PHACTR2: variants seen among roughly 807,000 people sequenced by gnomAD.
PHACTR2 encodes the protein chromosome 6 open reading frame 56.
Under a neutral mutation model 76.0 loss-of-function variants are expected in PHACTR2, and 30 were observed. The ratio of observed to expected loss-of-function variants is 0.39; its 90% CI spans 0.30 to 0.54. The LOEUF (loss-of-function observed/expected upper bound fraction) is 0.54, where lower values mean the gene tolerates loss of function less well. Ranked by LOEUF, PHACTR2 falls within the 20% of genes least tolerant of loss-of-function variation. PHACTR2 has a pLI of 0.61. For synonymous variants in PHACTR2, 292 were observed against 292.5 expected, an observed-to-expected ratio of 1.00 and a Z score of 0.02; for missense variants, 696 against 781.1, an observed-to-expected ratio of 0.89 and a Z score of 1.30.
At chr6:143,552,232 T>C (rs985141354) in intron 1 of PHACTR2, among the ~76,000 whole-genome samples, 1 of 150,248 alleles carries the variant, frequency 6.7e-6, no homozygotes, top group African/African-American at 2.4e-5. Flanking sequence ...AAGAGTGTGG[T>C]GAGGGAGGTT....
rs2488099 is a variant in PHACTR2, at chr6:143,709,356, A to G, written c.47-2660A>G. On this transcript the variant is annotated intron_variant, in intron 1 of 12. Coordinates refer to ENST00000440869, the MANE Select transcript of PHACTR2 (RefSeq NM_001100164.2). The surrounding 1 kb of genome is among the most constrained non-coding windows in gnomAD (Gnocchi z 4.4). ...AAATTAGAGTAGACTTCACTAGTGG[A>G]AGGAATAGGATTTATTCCAATTTGT... is the stretch of plus-strand genomic sequence containing the variant. Among the ~76,000 whole-genome samples the G allele has an allele frequency of 0.43, 65,184 of 152,042 alleles. 14,331 individuals carry two copies. Among genetic ancestry groups the G allele is most frequent in the African/African-American group, 0.52 (21,749 of 41,462 alleles).
At position 143,742,587 on chromosome 6, in the gene PHACTR2, G is replaced by A. The variant is rs1246339349; in HGVS notation, c.215-6398G>A. On this transcript the variant is annotated intron_variant, in intron 2 of 12. Transcript: ENST00000440869. The surrounding 1 kb of genome is among the most constrained non-coding windows in gnomAD (Gnocchi z 4.5). ...ATTGGATAAGCCCAGGAGCCCAAGA[G>A]CCTTGTGCCCAGGGATGAGGTTAGC... is the stretch of plus-strand genomic sequence containing the variant. Among the ~76,000 whole-genome samples the A allele has an allele frequency of 6.6e-6, 1 of 152,214 alleles. No homozygotes were observed. The highest frequency in any genetic ancestry group is 6.5e-5 in the Admixed American group (1 of 15,282).
rs1355562487 is a variant in PHACTR2 at position 143,647,046 on chromosome 6, A to AT, written c.13+38731dup. On this transcript the variant is annotated intron_variant, in intron 1 of 11. Transcript: ENST00000305766. This position sits in a 1 kb window ranked among gnomAD's most constrained non-coding sequence, Gnocchi z 4.2. Reference sequence around the variant, plus strand: ...TCTTCACCTTGCTGTCAGCAGTTACATTTTTTTCTAAGGGGTAAAAAGCAC... The same window carrying AT: ...TCTTCACCTTGCTGTCAGCAGTTACATTTTTTTTCTAAGGGGTAAAAAGCAC... 2.6e-5 allele frequency among the ~76,000 whole-genome samples: 4 copies of AT among 152,132 alleles called. No homozygotes were observed. The highest frequency in any genetic ancestry group is 4.4e-5 in the Non-Finnish European group (3 of 68,008).
chr6:143,749,666 T>TC (rs1236170905), intron 3 of PHACTR2, among the ~76,000 whole-genome samples: 1 of 152,184 alleles, frequency 6.6e-6, no homozygotes, highest in East Asian at 1.9e-4. Flanking sequence ...TCTAATTTTT[T>TC]CCCCTATCTC....
chr6:143,555,795 G>A (rs755950690), intron 1 of PHACTR2, among the ~76,000 whole-genome samples: 1 of 151,740 alleles, frequency 6.6e-6, no homozygotes, highest in South Asian at 2.1e-4. Flanking sequence ...AAATGTTGAC[G>A]CTACCACCTA....
upstream of PHACTR2, among the ~76,000 whole-genome samples, chr6:143,677,382 C>T (rs1777269203): frequency 6.6e-6 from 1 of 151,862 alleles, no homozygotes; most frequent in East Asian, 1.9e-4. Context: ...TTTTTTTCCC[C>T]TTTTGTGTAT....
At chr6:143,542,442 A>T (rs961571536) in intron 1 of PHACTR2, among the ~76,000 whole-genome samples, 2 of 152,076 alleles carry the variant, frequency 1.3e-5, no homozygotes, top group Non-Finnish European at 2.9e-5. Flanking sequence ...ATTAGGTCAG[A>T]TTGCACCTGA....
In PHACTR2 at chr6:143,654,415, C is replaced by G. The variant is rs573672679; in HGVS notation, c.13+46093C>G. Reference sequence around the variant, plus strand: ...AAGTGCAGAGCAGCATTATTCTTAACAGCCTAAAAGTGGAAACAACCCAAA... The same window carrying G: ...AAGTGCAGAGCAGCATTATTCTTAAGAGCCTAAAAGTGGAAACAACCCAAA... On this transcript the variant is annotated intron_variant, in intron 1 of 11. Transcript: ENST00000305766. This position sits in a 1 kb window ranked among gnomAD's most constrained non-coding sequence, Gnocchi z 4.6. Among the ~76,000 whole-genome samples, 69 of 152,280 alleles carry G rather than the reference C, an allele frequency of 4.5e-4. 1 individual carries two copies. Among genetic ancestry groups the G allele is most frequent in the Non-Finnish European group, 5.9e-4 (40 of 68,022 alleles).
intron 2 of PHACTR2, among the ~76,000 whole-genome samples, chr6:143,716,031 G>C (rs1304070944): frequency 2.0e-5 from 3 of 152,160 alleles, no homozygotes; most frequent in Non-Finnish European, 2.9e-5. Context: ...GGAAGAGGTA[G>C]GGTTCTAGCA....
chr6:143,713,780 T>C (rs1393033323), intron 2 of PHACTR2, among the ~76,000 whole-genome samples: 1 of 152,220 alleles, frequency 6.6e-6, no homozygotes, highest in Non-Finnish European at 1.5e-5. Flanking sequence ...CTCTGTTTTT[T>C]GGTTGTGGAA....
At chr6:143,676,741 A>AT (rs1407662290), upstream of PHACTR2, among the ~76,000 whole-genome samples, 1 of 149,372 alleles carries the variant, frequency 6.7e-6, no homozygotes, top group Non-Finnish European at 1.5e-5. The surrounding 1 kb of genome is among the most constrained non-coding windows in gnomAD (Gnocchi z 4.8). Context: ...CCTCAATTTC[A>AT]TTAAAAAAAA....
At chr6:143,723,104 A>G (rs1336932312) in intron 2 of PHACTR2, among the ~76,000 whole-genome samples, 1 of 152,188 alleles carries the variant, frequency 6.6e-6, no homozygotes, top group African/African-American at 2.4e-5. Context: ...TCATGTAATG[A>G]ACCACATGTC....
Position 143,602,638 on chromosome 6 carries a change from C to T in PHACTR2, c.217+65431C>T, listed in dbSNP as rs1440985490. Among the ~76,000 whole-genome samples the T allele has an allele frequency of 6.6e-6, 1 of 152,210 alleles. No individual in the cohort carries two copies. The highest frequency in any genetic ancestry group is 1.5e-5 in the Non-Finnish European group (1 of 68,038). On this transcript the variant is annotated intron_variant, in intron 1 of 11. Transcript: ENST00000367584. The surrounding 1 kb of genome is among the most constrained non-coding windows in gnomAD (Gnocchi z 6.1). Reference sequence around the variant, plus strand: ...TGGTCAGCTAGCTTCTTGTGCCTAGCTGTGATTTACCTATTTAATATTTTA... The same window carrying T: ...TGGTCAGCTAGCTTCTTGTGCCTAGTTGTGATTTACCTATTTAATATTTTA...
intron 12 of PHACTR2, among the ~76,000 whole-genome samples, chr6:143,813,271 G>T (rs548409378): frequency 6.6e-6 from 1 of 152,252 alleles, no homozygotes; most frequent in South Asian, 2.1e-4. Context: ...TTGGCATAAT[G>T]TCAAGTGGGA....
At position 143,740,294 on chromosome 6, in the gene PHACTR2, C is replaced by T. The variant is rs575207779; in HGVS notation, c.215-8691C>T. Reference sequence around the variant, plus strand: ...TGGGTTTTAGCTGGCTTCTTTATTGCAACCTGTTTTGTCATCAAGATCTTT... The same window carrying T: ...TGGGTTTTAGCTGGCTTCTTTATTGTAACCTGTTTTGTCATCAAGATCTTT... On this transcript the variant is annotated intron_variant, in intron 2 of 12. Transcript: ENST00000440869. Among the ~76,000 whole-genome samples the T allele has an allele frequency of 2.6e-5, 4 of 152,032 alleles. No homozygotes were observed. In the East Asian group the frequency reaches 7.7e-4, roughly 29 times the overall value.
chr6:143,699,650 A>G (rs1777854221), intron 1 of PHACTR2, among the ~76,000 whole-genome samples: 1 of 152,160 alleles, frequency 6.6e-6, no homozygotes, highest in Non-Finnish European at 1.5e-5. Flanking sequence ...AATACAAGCT[A>G]AAGGTCTCTC....
At chr6:143,770,955 G>A (rs1393743331) in intron 6 of PHACTR2, among the ~76,000 whole-genome samples, 8 of 130,772 alleles carry the variant, frequency 6.1e-5, no homozygotes, top group African/African-American at 1.1e-4. Context: ...ATGGAGTCTC[G>A]CTCTGTCACC....
At position 143,783,146 on chromosome 6, in the gene PHACTR2, G is replaced by A; in HGVS notation, c.1646-73G>A. On this transcript the variant is annotated intron_variant, in intron 9 of 12. Transcript: ENST00000440869. This position sits in a 1 kb window ranked among gnomAD's most constrained non-coding sequence, Gnocchi z 5.2. ...TATTTGTTAGAGTCACATGATCGTG[G>A]CCTGATACACTTTTCTGAATATGAA... 1.2e-6 allele frequency: 1 copy of A among 856,468 alleles called. No individual in the cohort carries two copies. The highest frequency in any genetic ancestry group is 2.0e-6 in the Non-Finnish European group (1 of 512,182). 53.1% of individuals were successfully genotyped at this position (856,468 alleles called of 1,614,324 possible).
At chr6:143,799,032 G>A (rs903026589) in intron 11 of PHACTR2, among the ~76,000 whole-genome samples, 2 of 152,058 alleles carry the variant, frequency 1.3e-5, no homozygotes, top group Non-Finnish European at 2.9e-5. Flanking sequence ...CTTTTTGGTT[G>A]GTAGACTATT....
Sources: allele counts gnomAD v4.1 joint callset (sites outside exome capture counted in the v4.1 genomes callset), GRCh38; gene constraint gnomAD v4.1.1; non-coding constraint Gnocchi (gnomAD v3.1); transcripts MANE v1.5; gene names NCBI Gene and HGNC (gene_info 2026-07-23, HGNC 2026-07-21).